PRKG1: variants seen among roughly 807,000 people sequenced by gnomAD.
PRKG1 encodes protein kinase cGMP-dependent 1, also known as cGMP-dependent protein kinase 1.
PRKG1 carries 35 observed loss-of-function variants against 88.1 expected under a neutral mutation model. The observed-to-expected ratio is 0.40, with a 90% CI of 0.30 to 0.53. The LOEUF (loss-of-function observed/expected upper bound fraction) is 0.53. PRKG1 is among the 20% of genes least tolerant of loss of function. The pLI, the probability that PRKG1 is intolerant of heterozygous loss-of-function variation, is 0.59. For missense variants in PRKG1, 540 were observed against 839.8 expected, an observed-to-expected ratio of 0.64 and a Z score of 4.41; for synonymous variants, 303 against 292.5, an observed-to-expected ratio of 1.04 and a Z score of -0.37.
rs574771643 is a variant in PRKG1, at chr10:51,168,722, C to T, written c.478+15392C>T. Among the ~76,000 whole-genome samples, 7 of 152,252 alleles carry T rather than the reference C, an allele frequency of 4.6e-5. No homozygotes were observed. The East Asian group carries it at 7.7e-4, about 17-fold the overall frequency. On this transcript the variant is annotated intron_variant, in intron 2 of 17. Coordinates refer to ENST00000373980, the MANE Select transcript of PRKG1 (RefSeq NM_006258.4). ...ATACTGATGTTTCTCCTCCACATCA[C>T]ACATATCTAGAACCGTGTTACAAAA...
chr10:51,681,664 A>G (rs1840852146), intron 3 of PRKG1, among the ~76,000 whole-genome samples: 1 of 152,126 alleles, frequency 6.6e-6, no homozygotes, highest in Non-Finnish European at 1.5e-5. Context: ...ACTTCACTTG[A>G]GCTGGTAGTT....
At chr10:51,492,437 T>C (rs1214541605) in intron 3 of PRKG1, among the ~76,000 whole-genome samples, 1 of 152,156 alleles carries the variant, frequency 6.6e-6, no homozygotes, top group Non-Finnish European at 1.5e-5. Flanking sequence ...TAATTTGCAA[T>C]TGATCTAGAA....
intron 5 of PRKG1, among the ~76,000 whole-genome samples, chr10:51,989,245 G>C (rs1844240932): frequency 6.6e-6 from 1 of 151,958 alleles, no homozygotes; most frequent in Admixed American, 6.6e-5. Flanking sequence ...AAGCTAGATG[G>C]GTCTTATTAT....
rs180671455 is a variant in PRKG1 at position 51,299,707 on chromosome 10, C to T, written c.478+146377C>T. ...CAGGCTGACAGCCACAGGTATATTG[C>T]TCTCTGCACATGTGTTTTTTCCTGG... On this transcript the variant is annotated intron_variant, in intron 2 of 17. Coordinates refer to ENST00000373980, the MANE Select transcript of PRKG1 (RefSeq NM_006258.4). 1.2e-5 allele frequency: 5 copies of T among 433,486 alleles called. No individual in the cohort carries two copies. The East Asian group carries it at 3.3e-4, about 29-fold the overall frequency. 26.9% of individuals were successfully genotyped at this position (433,486 alleles called of 1,614,324 possible). A position where few individuals can be genotyped will look rare whatever the true frequency, so the allele number is the denominator to read the frequency against.
At chr10:51,600,921 T>A (rs10655565) in intron 3 of PRKG1, among the ~76,000 whole-genome samples, 11,669 of 148,404 alleles carry the variant, frequency 0.079, 1,521 homozygotes, top group African/African-American at 0.27. Context: ...AGTTCATTTT[T>A]GAGAGAGAGA....
At chr10:51,419,250 C>G (rs1838337385) in intron 2 of PRKG1, among the ~76,000 whole-genome samples, 1 of 151,936 alleles carries the variant, frequency 6.6e-6, no homozygotes, top group African/African-American at 2.4e-5. Context: ...GTATACAGCA[C>G]AGGTGCAGTA....
At chr10:51,316,451 A>C (rs2132499650) in intron 2 of PRKG1, among the ~76,000 whole-genome samples, 1 of 152,286 alleles carries the variant, frequency 6.6e-6, no homozygotes, top group African/African-American at 2.4e-5. Flanking sequence ...TGGGAGGCAG[A>C]GGCAGGCAGA....
At chr10:51,993,268 G>C (rs1844357189) in intron 5 of PRKG1, among the ~76,000 whole-genome samples, 1 of 151,294 alleles carries the variant, frequency 6.6e-6, no homozygotes, top group Non-Finnish European at 1.5e-5. Context: ...TTCCTCTTAA[G>C]TGGCTCTGGC....
At chr10:52,061,498 A>C (rs1846234553) in intron 6 of PRKG1, among the ~76,000 whole-genome samples, 1 of 152,106 alleles carries the variant, frequency 6.6e-6, no homozygotes, top group African/African-American at 2.4e-5. Flanking sequence ...GGGAGAAGTG[A>C]ATTAACACAA....
intron 2 of PRKG1, among the ~76,000 whole-genome samples, chr10:51,376,919 C>T (rs1313260057): frequency 2.6e-5 from 4 of 152,018 alleles, no homozygotes; most frequent in East Asian, 1.9e-4. Context: ...TCAGGTGATC[C>T]GTCTGCCTGG....
At chr10:51,015,217 A>G (rs1188961917) in intron 1 of PRKG1, among the ~76,000 whole-genome samples, 1 of 152,238 alleles carries the variant, frequency 6.6e-6, no homozygotes, top group Non-Finnish European at 1.5e-5. Flanking sequence ...GAATGTCCAG[A>G]CGCAGTTAAT....
chr10:51,770,088 A>C (rs1394133141), intron 3 of PRKG1, among the ~76,000 whole-genome samples: 1 of 152,214 alleles, frequency 6.6e-6, no homozygotes, highest in East Asian at 1.9e-4. Flanking sequence ...AACTGGATGT[A>C]CAAATATACT....
chr10:51,267,796 T>C (rs2170147), intron 2 of PRKG1, among the ~76,000 whole-genome samples: 2 of 151,922 alleles, frequency 1.3e-5, no homozygotes. Flanking sequence ...ACATAAATGA[T>C]TGGGACCTAA....
chr10:51,237,930 G>T (rs1839040873), intron 2 of PRKG1, among the ~76,000 whole-genome samples: 1 of 152,088 alleles, frequency 6.6e-6, no homozygotes, highest in African/African-American at 2.4e-5. Context: ...ATGAATTCTA[G>T]ATTTATCTCA....
intron 9 of PRKG1, 57 bp from the exon 10 acceptor site, chr10:52,251,513 T>C: frequency 6.3e-6 from 8 of 1,263,596 alleles, no homozygotes; most frequent in Non-Finnish European, 9.3e-6. Context: ...CAGATGTACG[T>C]GGTACTCGTG....
At chr10:51,194,731 T>C (rs1230345930) in intron 2 of PRKG1, among the ~76,000 whole-genome samples, 1 of 152,114 alleles carries the variant, frequency 6.6e-6, no homozygotes, top group Non-Finnish European at 1.5e-5. Context: ...AAACATAAAT[T>C]TATTGACTCA....
At chr10:51,681,374 T>C (rs1840845110) in intron 3 of PRKG1, among the ~76,000 whole-genome samples, 1 of 152,252 alleles carries the variant, frequency 6.6e-6, no homozygotes, top group African/African-American at 2.4e-5. Context: ...TTTGCTTCTA[T>C]TTTTCAGAAG....
At chr10:51,211,008 C>CA (rs1303503425) in intron 2 of PRKG1, among the ~76,000 whole-genome samples, 6 of 151,602 alleles carry the variant, frequency 4.0e-5, no homozygotes, top group Middle Eastern at 3.4e-3. Context: ...AGAGACACAA[C>CA]AAAAAAAAGA....
intron 2 of PRKG1, among the ~76,000 whole-genome samples, chr10:51,260,794 T>G (rs1839685588): frequency 1.3e-5 from 2 of 152,208 alleles, no homozygotes; most frequent in African/African-American, 2.4e-5. Flanking sequence ...AGAAATTATA[T>G]GAATTTTAAA....
Sources: allele counts gnomAD v4.1 joint callset (sites outside exome capture counted in the v4.1 genomes callset), GRCh38; gene constraint gnomAD v4.1.1; transcripts MANE v1.5; gene names NCBI Gene and HGNC (gene_info 2026-07-23, HGNC 2026-07-21).